Variants in ZMAT5 observed in about 807,000 individuals in gnomAD.
ZMAT5 encodes zinc finger matrin-type 5, also known as zinc finger matrin-type protein 5.
Under a neutral mutation model 28.0 loss-of-function variants are expected in ZMAT5, and 23 were observed. The ratio of observed to expected loss-of-function variants is 0.82; its 90% CI spans 0.59 to 1.16. The LOEUF is 1.16. Ranked by LOEUF, ZMAT5 falls within the 50% of genes most tolerant of loss-of-function variation. The pLI is 0.00. For synonymous variants in ZMAT5, 76 were observed against 84.1 expected, an observed-to-expected ratio of 0.90 and a Z score of 0.52; for missense variants, 173 against 212.7, an observed-to-expected ratio of 0.81 and a Z score of 1.16.
At chr22:29,765,376 G>C (rs1433344416) in intron 1 of ZMAT5, among the ~76,000 whole-genome samples, 1 of 151,616 alleles carries the variant, frequency 6.6e-6, no homozygotes, top group Non-Finnish European at 1.5e-5. Context: ...CCAAGATTGT[G>C]CCACTGCACT....
chr22:29,745,001 C>G (rs765751117), intron 2 of ZMAT5, among the ~76,000 whole-genome samples: 5 of 152,252 alleles, frequency 3.3e-5, no homozygotes, highest in African/African-American at 4.8e-5. Flanking sequence ...TGTTTCTTTG[C>G]TCAATCACTT....
At chr22:29,738,570 G>T in intron 4 of ZMAT5, 129 bp from the exon 5 acceptor site, 1 of 717,864 alleles carries the variant, frequency 1.4e-6, no homozygotes, top group Non-Finnish European at 2.3e-6. Flanking sequence ...CCTTCCAGGA[G>T]GATGCACCTG....
intron 1 of ZMAT5, among the ~76,000 whole-genome samples, chr22:29,755,167 C>T (rs570187372): frequency 2.0e-5 from 3 of 152,004 alleles, no homozygotes; most frequent in African/African-American, 4.8e-5. Flanking sequence ...TGGTGGCACA[C>T]GCCTATAATC....
At chr22:29,765,740 C>T (rs1481673430) in intron 1 of ZMAT5, among the ~76,000 whole-genome samples, 1 of 152,030 alleles carries the variant, frequency 6.6e-6, no homozygotes, top group Non-Finnish European at 1.5e-5. Context: ...TGGTGGCAGG[C>T]GCCTGTAATC....
At chr22:29,757,344 T>G (rs1020084537) in intron 1 of ZMAT5, among the ~76,000 whole-genome samples, 4 of 151,816 alleles carry the variant, frequency 2.6e-5, no homozygotes, top group African/African-American at 7.3e-5. Flanking sequence ...AACAATCCTT[T>G]GAAGCTGTTT....
At chr22:29,745,373 C>T (rs1203706411) in intron 2 of ZMAT5, among the ~76,000 whole-genome samples, 3 of 152,208 alleles carry the variant, frequency 2.0e-5, no homozygotes, top group African/African-American at 7.2e-5. Context: ...GCCGGCAGGT[C>T]ATGGAGGCCT....
intron 1 of ZMAT5, among the ~76,000 whole-genome samples, chr22:29,755,368 G>GGGAGAGAGGGGGA (rs1569340083): frequency 1.7e-5 from 1 of 59,246 alleles, no homozygotes; most frequent in African/African-American, 9.5e-5. Flanking sequence ...GGAGGGAGGG[G>GGGAGAGAGGGGGA]GAGAGAGAGA....
chr22:29,761,070 C>G (rs530539384), intron 1 of ZMAT5, among the ~76,000 whole-genome samples: 1 of 144,780 alleles, frequency 6.9e-6, no homozygotes, highest in Non-Finnish European at 1.5e-5. Context: ...GTCAAGAGAT[C>G]GAGACCATCC....
chr22:29,763,744 G>A (rs2068181888), intron 1 of ZMAT5, among the ~76,000 whole-genome samples: 1 of 152,148 alleles, frequency 6.6e-6, no homozygotes. Flanking sequence ...CCAACATGGT[G>A]ACACCCCTAA....
At chr22:29,753,394 G>T (rs574028335) in intron 1 of ZMAT5, among the ~76,000 whole-genome samples, 2 of 152,170 alleles carry the variant, frequency 1.3e-5, no homozygotes, top group Non-Finnish European at 2.9e-5. Context: ...GCATAGTGGC[G>T]TGTGCCTGTA....
chr22:29,750,739 A>G (rs1042844596), intron 1 of ZMAT5, among the ~76,000 whole-genome samples: 1 of 152,210 alleles, frequency 6.6e-6, no homozygotes, highest in Non-Finnish European at 1.5e-5. Flanking sequence ...CCGGGCTAGC[A>G]GCCAAAGCCC....
Position 29,753,115 on chromosome 22 carries a change from G to C in ZMAT5, c.-27-4544C>G, listed in dbSNP as rs776949986. ...GGAGGCTGTCCGGGGACAGAGTTAA[G>C]AGCTGGCTCTGGAGTCAGATGTCAG... is the stretch of plus-strand genomic sequence containing the variant. On this transcript the variant is annotated intron_variant, in intron 1 of 5. Transcript: ENST00000344318. Among the ~76,000 whole-genome samples, 31 of 152,310 alleles carry C rather than the reference G, an allele frequency of 2.0e-4. 1 individual carries two copies. The Middle Eastern group carries it at 0.014, about 67-fold the overall frequency.
intron 3 of ZMAT5, among the ~76,000 whole-genome samples, chr22:29,742,035 C>A (rs186964002): frequency 1.8e-4 from 27 of 152,254 alleles, no homozygotes; most frequent in African/African-American, 6.5e-4. Context: ...TGGTTCTGAT[C>A]CTGAACTTCC....
chr22:29,749,020 T>G (rs971858389), intron 1 of ZMAT5, among the ~76,000 whole-genome samples: 28 of 152,036 alleles, frequency 1.8e-4, no homozygotes, highest in African/African-American at 5.3e-4. Flanking sequence ...TTCTAACATG[T>G]AAGTAGGCTG....
In ZMAT5 at chr22:29,731,243, G is replaced by C; in HGVS notation, c.495C>G (p.Pro165=). The C allele has an allele frequency of 6.6e-7, 1 of 1,510,250 alleles. No individual in the cohort carries two copies. 93.6% of individuals were successfully genotyped at this position (1,510,250 alleles called of 1,614,324 possible). Residue 165 remains proline (P), a synonymous_variant, in exon 6 of 6, where the codon CCC becomes CCG. Transcript: ENST00000344318. ...APPPGGWPLQ[P]RVQWG is the part of the protein sequence containing the mutation. ...AAGGGGCTCAGCCCCACTGGACTCT[G>C]GGCTGCAGAGGCCACCCCCCAGGTG...
At chr22:29,738,768 C>T (rs1316590551) in intron 4 of ZMAT5, among the ~76,000 whole-genome samples, 1 of 152,064 alleles carries the variant, frequency 6.6e-6, no homozygotes, top group African/African-American at 2.4e-5. Context: ...CTTTGGGATG[C>T]CAAGGCGGGC....
chr22:29,760,683 A>T (rs2068149163), intron 1 of ZMAT5, among the ~76,000 whole-genome samples: 1 of 152,208 alleles, frequency 6.6e-6, no homozygotes, highest in Admixed American at 6.5e-5. Flanking sequence ...CTTTCCCTTG[A>T]GTTCCAAATG....
intron 5 of ZMAT5, among the ~76,000 whole-genome samples, chr22:29,736,788 G>C (rs1239208421): frequency 6.6e-6 from 1 of 151,260 alleles, no homozygotes; most frequent in African/African-American, 2.4e-5. Context: ...ACTTTGGGAG[G>C]CTGAGGCGGG....
intron 5 of ZMAT5, among the ~76,000 whole-genome samples, chr22:29,737,690 T>C (rs998057418): frequency 1.3e-5 from 2 of 152,234 alleles, no homozygotes; most frequent in South Asian, 4.2e-4. Context: ...CCGCCAGCCT[T>C]TGTCTGCCCC....
Sources: gnomAD v4.1 joint callset for allele counts (sites outside exome capture counted in the v4.1 genomes callset) on GRCh38, gnomAD v4.1.1 for gene constraint, MANE v1.5 for transcripts, NCBI Gene and HGNC (gene_info 2026-07-23, HGNC 2026-07-21) for gene names.